CCDC175: variants seen among roughly 807,000 people sequenced by gnomAD.
CCDC175 encodes coiled-coil domain-containing protein 175.
CCDC175 carries 100 observed loss-of-function variants against 114.6 expected under a neutral mutation model. The observed-to-expected ratio is 0.87, with a 90% CI of 0.74 to 1.03. The LOEUF (loss-of-function observed/expected upper bound fraction) is 1.03. Ranked by LOEUF, CCDC175 falls within the 50% of genes least tolerant of loss-of-function variation. The pLI is 0.00. For synonymous variants in CCDC175, 306 were observed against 308.7 expected (o/e 0.99, Z 0.09); for missense variants, 880 against 917.8 (o/e 0.96, Z 0.53).
chr14:59,560,222 A>G (rs928897543), intron 7 of CCDC175, among the ~76,000 whole-genome samples: 2 of 152,118 alleles, frequency 1.3e-5, no homozygotes, highest in Non-Finnish European at 2.9e-5. Flanking sequence ...GACCTATTAT[A>G]ATTTTAATTA....
rs1236015507 is a variant in CCDC175, at chr14:59,548,951, G to A, written c.1035+2404C>T. Among the ~76,000 whole-genome samples the A allele has an allele frequency of 3.3e-5, 5 of 152,128 alleles. No homozygotes were observed. The South Asian group carries it at 6.2e-4, about 19-fold the overall frequency. ...AGGGAGAAGAATTTGGATGTGGGGT[G>A]GTATCCTACAGCAAGAAGATAGATG... On this transcript the variant is annotated intron_variant, in intron 8 of 19. Coordinates refer to ENST00000537690, the MANE Select transcript of CCDC175 (RefSeq NM_001164399.2).
intron 4 of CCDC175, among the ~76,000 whole-genome samples, chr14:59,566,588 C>T (rs1896559681): frequency 6.6e-6 from 1 of 152,090 alleles, no homozygotes; most frequent in Non-Finnish European, 1.5e-5. Context: ...GGACTGGAGC[C>T]TCGGGGAAAC....
In CCDC175 at chr14:59,511,754, A is replaced by T; in HGVS notation, c.2142+6T>A. 2.0e-6 allele frequency: 3 copies of T among 1,535,786 alleles called. No homozygotes were observed. Among genetic ancestry groups the T allele is most frequent in the Non-Finnish European group, 2.6e-6 (3 of 1,145,770 alleles). ...TATGGAGGCAACAGACACACGCAAAACTCACCTTAACTGTGGTCTGAAATT... is the reference window on the plus strand; with the variant it reads ...TATGGAGGCAACAGACACACGCAAATCTCACCTTAACTGTGGTCTGAAATT... On this transcript the variant is annotated splice_donor_region_variant and intron_variant, in intron 18 of 19. Coordinates refer to ENST00000537690, the MANE Select transcript of CCDC175 (RefSeq NM_001164399.2).
chr14:59,510,562 C>G (rs948651410), intron 19 of CCDC175, 84 bp downstream of exon 19: 1 of 1,346,888 alleles, frequency 7.4e-7, no homozygotes, highest in East Asian at 2.5e-5. Flanking sequence ...TTAGTTGACA[C>G]GTTTTTTCTT....
intron 8 of CCDC175, among the ~76,000 whole-genome samples, chr14:59,548,443 G>A (rs549551988): frequency 6.6e-6 from 1 of 152,136 alleles, no homozygotes; most frequent in Non-Finnish European, 1.5e-5. Flanking sequence ...ATAAGCAAGA[G>A]CCTTGCATTC....
At chr14:59,513,945 C>T (rs985668703) in intron 17 of CCDC175, among the ~76,000 whole-genome samples, 1 of 152,110 alleles carries the variant, frequency 6.6e-6, no homozygotes, top group Non-Finnish European at 1.5e-5. Flanking sequence ...CCTCACATGG[C>T]CGGGTACTCC....
At chr14:59,576,330 G>A (rs1457367150) in intron 1 of CCDC175, among the ~76,000 whole-genome samples, 3 of 152,160 alleles carry the variant, frequency 2.0e-5, no homozygotes, top group African/African-American at 7.2e-5. Context: ...TAATCAGGTC[G>A]CAGGCATAGG....
Position 59,510,766 on chromosome 14 carries a change from T to C in CCDC175, c.2185A>G (p.Asn729Asp), listed in dbSNP as rs1371525619. ...CTTTCACGCAGCTTGTCTGTTAGAT[T>C]GTTTATGTCTTGCAAGGTCTCTTCA... is the stretch of plus-strand genomic sequence containing the variant. ...NGEETLQDIN[N>D]LTDKLRERDE... Residue 729 changes from asparagine (N) to aspartate (D), a missense_variant, in exon 19 of 20, where the codon AAT (asparagine) becomes GAT (aspartate). Coordinates refer to ENST00000537690, the MANE Select transcript of CCDC175 (RefSeq NM_001164399.2). 2.9e-5 allele frequency: 45 copies of C among 1,537,368 alleles called. No homozygotes were observed. Among genetic ancestry groups the C allele is most frequent in the Non-Finnish European group, 3.8e-5 (44 of 1,146,940 alleles).
In CCDC175 at chr14:59,538,860, G is replaced by A. The variant is rs1894578732; in HGVS notation, c.1356-20C>T. ...ATAACACTAGAGATTAGAGCAAAAAGAATTGCCATTAAATTGACATAGCAG... is the reference window on the plus strand; with the variant it reads ...ATAACACTAGAGATTAGAGCAAAAAAAATTGCCATTAAATTGACATAGCAG... On this transcript the variant is annotated intron_variant, in intron 11 of 19. Transcript: ENST00000537690. The A allele has an allele frequency of 2.6e-6, 4 of 1,515,204 alleles. No individual in the cohort carries two copies. Among genetic ancestry groups the A allele is most frequent in the Non-Finnish European group, 3.5e-6 (4 of 1,139,140 alleles). 93.9% of individuals were successfully genotyped at this position (1,515,204 alleles called of 1,614,324 possible).
intron 3 of CCDC175, among the ~76,000 whole-genome samples, chr14:59,569,856 A>G (rs1896751112): frequency 6.6e-6 from 1 of 152,226 alleles, no homozygotes; most frequent in South Asian, 2.1e-4. Flanking sequence ...TAAGAAGTGA[A>G]GAGAACTTGA....
intron 4 of CCDC175, among the ~76,000 whole-genome samples, chr14:59,565,735 A>C (rs1261663847): frequency 6.6e-6 from 1 of 151,716 alleles, no homozygotes; most frequent in Non-Finnish European, 1.5e-5. Context: ...TGAGATGAGG[A>C]CAGAAGGAAA....
chr14:59,564,429 C>T (rs1473335676), intron 5 of CCDC175: 1 of 153,294 alleles, frequency 6.5e-6, no homozygotes, highest in African/African-American at 2.4e-5. Context: ...ACCTCTCCCC[C>T]AGTCAACCAG....
At chr14:59,561,024 CAT>C (rs1208384635) in intron 7 of CCDC175, 93 bp downstream of exon 7, 23 of 561,802 alleles carry the variant, frequency 4.1e-5, no homozygotes, top group Middle Eastern at 3.0e-4. Flanking sequence ...AAATTAAAGA[CAT>C]GTTTTTAAAA....
At chr14:59,574,173 A>T (rs1246406286) in intron 2 of CCDC175, among the ~76,000 whole-genome samples, 9 of 152,234 alleles carry the variant, frequency 5.9e-5, no homozygotes, top group Admixed American at 5.9e-4. Context: ...GTGTATAATT[A>T]TATAAAATAT....
chr14:59,565,392 CTG>C (rs1181265429), intron 4 of CCDC175, 117 bp from the exon 5 acceptor site: 2 of 852,704 alleles, frequency 2.3e-6, no homozygotes, highest in African/African-American at 1.7e-5. Context: ...TATTTTATGA[CTG>C]TGTTTATGAT....
chr14:59,570,684 G>A (rs1170628743), intron 3 of CCDC175, among the ~76,000 whole-genome samples: 1 of 152,140 alleles, frequency 6.6e-6, no homozygotes, highest in Non-Finnish European at 1.5e-5. Flanking sequence ...AATCATGAAT[G>A]CGGGTGGCAG....
chr14:59,521,577 C>T lies in CCDC175; in HGVS notation c.2095G>A (p.Glu699Lys). Reference sequence around the variant, plus strand: ...CAAGCACCCACACATTACTTACCCTCCTGAGCTATTAGTTGCCGAGACAAG... The same window carrying T: ...CAAGCACCCACACATTACTTACCCTTCTGAGCTATTAGTTGCCGAGACAAG... ...SDLSRQLIAQEAQYKDLWAEF... is the reference protein window; with the variant it reads ...SDLSRQLIAQKAQYKDLWAEF... The change falls in exon 17 of 20, where the codon GAG becomes AAG. Residue 699 changes from glutamate to lysine, a missense_variant. Glu to Lys is a moderately conservative substitution (Grantham distance 56). Coordinates refer to ENST00000537690, the MANE Select transcript of CCDC175 (RefSeq NM_001164399.2). 1 of 1,519,740 alleles carries T rather than the reference C, an allele frequency of 6.6e-7. No homozygotes were observed. The highest frequency in any genetic ancestry group is 8.8e-7 in the Non-Finnish European group (1 of 1,130,972). 94.1% of individuals were successfully genotyped at this position (1,519,740 alleles called of 1,614,324 possible).
chr14:59,519,047 T>C (rs1220598890), intron 17 of CCDC175, among the ~76,000 whole-genome samples: 1 of 152,132 alleles, frequency 6.6e-6, no homozygotes, highest in East Asian at 1.9e-4. Flanking sequence ...AAACCATCAT[T>C]CTCAGCAAAC....
intron 7 of CCDC175, among the ~76,000 whole-genome samples, chr14:59,554,375 C>T (rs374960243): frequency 1.3e-5 from 2 of 151,974 alleles, no homozygotes; most frequent in Non-Finnish European, 1.5e-5. Context: ...ACTGGGTACA[C>T]AATGAAATGA....
Sources: allele counts gnomAD v4.1 joint callset (sites outside exome capture counted in the v4.1 genomes callset), GRCh38; gene constraint gnomAD v4.1.1; transcripts MANE v1.5; gene names NCBI Gene and HGNC (gene_info 2026-07-23, HGNC 2026-07-21).